TCERG1L: variants seen among roughly 807,000 people sequenced by gnomAD.
TCERG1L encodes the protein transcription elongation regulator 1 like.
Under a neutral mutation model 56.3 loss-of-function variants are expected in TCERG1L, and 37 were observed. The ratio of observed to expected loss-of-function variants is 0.66; its 90% CI spans 0.51 to 0.87. The LOEUF (loss-of-function observed/expected upper bound fraction) is 0.87, where lower values mean the gene tolerates loss of function less well. Among genes scored for constraint, TCERG1L ranks in the 40% least tolerant of loss-of-function variants. The probability of loss-of-function intolerance (pLI) is 0.00; values close to 1 mark genes in which losing one functional copy is unlikely to be tolerated. For synonymous variants in TCERG1L, 324 were observed against 326.3 expected, an observed-to-expected ratio of 0.99 and a Z score of 0.08; for missense variants, 799 against 774.2, an observed-to-expected ratio of 1.03 and a Z score of -0.38.
At position 131,285,526 on chromosome 10, in the gene TCERG1L, G is replaced by GAAAGAAAGAA. The variant is rs1564833952; in HGVS notation, c.670+22684_670+22685insTTCTTTCTTT. On this transcript the variant is annotated intron_variant, in intron 3 of 11. Coordinates refer to ENST00000368642, the MANE Select transcript of TCERG1L (RefSeq NM_174937.4). Reference sequence around the variant, plus strand: ...AAAGAAAGAAAGAAAGAAAGAAAGAGAGAAAGAAAAGAAAAGAAAGAAAGG... The same window carrying GAAAGAAAGAA: ...AAAGAAAGAAAGAAAGAAAGAAAGAGAAAGAAAGAAAGAAAGAAAAGAAAAGAAAGAAAGG... Among the ~76,000 whole-genome samples, 6 of 22,540 alleles carry GAAAGAAAGAA rather than the reference G, an allele frequency of 2.7e-4. 1 individual carries two copies. The highest frequency in any genetic ancestry group is 1.9e-3 in the East Asian group (1 of 528). The allele number at this position is 22,540 out of a possible 152,430, so 14.8% of individuals were successfully genotyped here. A position where few individuals can be genotyped will look rare whatever the true frequency, so the allele number is the denominator to read the frequency against.
intron 4 of TCERG1L, among the ~76,000 whole-genome samples, chr10:131,209,012 T>G (rs112821437): frequency 0.018 from 2,602 of 146,018 alleles, 63 homozygotes; most frequent in African/African-American, 0.063. Context: ...GAGCTGAGAT[T>G]GCACCACTGC....
intron 9 of TCERG1L, among the ~76,000 whole-genome samples, chr10:131,108,210 G>C (rs571907401): frequency 6.6e-6 from 1 of 152,340 alleles, no homozygotes; most frequent in East Asian, 1.9e-4. Flanking sequence ...ACTGAGAACA[G>C]CCAGGCTTTG....
chr10:131,290,414 C>T (rs1846600023), intron 3 of TCERG1L, among the ~76,000 whole-genome samples: 2 of 152,204 alleles, frequency 1.3e-5, no homozygotes, highest in African/African-American at 2.4e-5. Flanking sequence ...GGCAGATCAC[C>T]TGAGGCTGGG....
intron 3 of TCERG1L, among the ~76,000 whole-genome samples, chr10:131,282,410 G>A (rs1401937824): frequency 7.0e-6 from 1 of 142,904 alleles, no homozygotes; most frequent in East Asian, 2.3e-4. Flanking sequence ...ATGTGTAGTG[G>A]TTGCTGATAC....
At chr10:131,128,949 C>T (rs1175730649) in intron 8 of TCERG1L, among the ~76,000 whole-genome samples, 1 of 152,118 alleles carries the variant, frequency 6.6e-6, no homozygotes, top group Non-Finnish European at 1.5e-5. Flanking sequence ...ATACAGGGGA[C>T]AGAAGAACAA....
intron 4 of TCERG1L, among the ~76,000 whole-genome samples, chr10:131,211,286 T>C (rs1017971864): frequency 6.6e-6 from 1 of 152,218 alleles, no homozygotes; most frequent in Non-Finnish European, 1.5e-5. Flanking sequence ...CCCCAGCAGA[T>C]GAGGCTAGAA....
intron 9 of TCERG1L, among the ~76,000 whole-genome samples, chr10:131,109,178 C>T (rs571404730): frequency 6.6e-6 from 1 of 152,304 alleles, no homozygotes; most frequent in African/African-American, 2.4e-5. Flanking sequence ...CTCCTCTTGC[C>T]TAACACTTCT....
At chr10:131,262,101 G>A (rs976256603) in intron 3 of TCERG1L, among the ~76,000 whole-genome samples, 7 of 152,118 alleles carry the variant, frequency 4.6e-5, no homozygotes, top group South Asian at 2.1e-4. Flanking sequence ...AGGCTTTGCC[G>A]GCAGACATAG....
chr10:131,249,304 A>G (rs1484630640), intron 4 of TCERG1L, among the ~76,000 whole-genome samples: 3 of 152,246 alleles, frequency 2.0e-5, no homozygotes, highest in Non-Finnish European at 4.4e-5. Flanking sequence ...GGAATACAGC[A>G]AGCTCTGGAA....
chr10:131,215,973 A>C (rs941744920), intron 4 of TCERG1L, among the ~76,000 whole-genome samples: 53 of 152,204 alleles, frequency 3.5e-4, no homozygotes, highest in Admixed American at 3.4e-3. Context: ...TGGGGCGGCC[A>C]CAGCTGAGCC....
chr10:131,271,871 C>T (rs1846343486), intron 3 of TCERG1L, among the ~76,000 whole-genome samples: 1 of 152,202 alleles, frequency 6.6e-6, no homozygotes, highest in Admixed American at 6.5e-5. Flanking sequence ...AACAAACAAC[C>T]ATTAGTTTAT....
At chr10:131,205,069 G>A (rs1272232890) in intron 4 of TCERG1L, among the ~76,000 whole-genome samples, 1 of 152,060 alleles carries the variant, frequency 6.6e-6, no homozygotes, top group Non-Finnish European at 1.5e-5. Flanking sequence ...CAGACCAAGC[G>A]GCCCATGGCA....
At chr10:131,093,990 TG>T (rs1845213948) in intron 11 of TCERG1L, among the ~76,000 whole-genome samples, 1 of 152,170 alleles carries the variant, frequency 6.6e-6, no homozygotes, top group Non-Finnish European at 1.5e-5. Context: ...CAAACACTGA[TG>T]GAGCGAATCA....
chr10:131,247,657 G>A (rs1447842300), intron 4 of TCERG1L, among the ~76,000 whole-genome samples: 3 of 152,160 alleles, frequency 2.0e-5, no homozygotes, highest in Non-Finnish European at 4.4e-5. Context: ...GCACACCCAA[G>A]AGATTTTAGA....
intron 4 of TCERG1L, among the ~76,000 whole-genome samples, chr10:131,203,473 A>G (rs10829948): frequency 0.52 from 79,540 of 152,010 alleles, 21,057 homozygotes; most frequent in East Asian, 0.63. Flanking sequence ...AGCTGGCCCC[A>G]ATCACAGGTG....
intron 11 of TCERG1L, among the ~76,000 whole-genome samples, chr10:131,094,194 G>A (rs2133375464): frequency 6.6e-6 from 1 of 152,322 alleles, no homozygotes; most frequent in South Asian, 2.1e-4. Context: ...CCAGGGACAG[G>A]GACAGAGGTA....
intron 4 of TCERG1L, among the ~76,000 whole-genome samples, chr10:131,219,380 A>G (rs1001613442): frequency 2.0e-5 from 3 of 152,194 alleles, no homozygotes; most frequent in African/African-American, 7.2e-5. Context: ...GGCCGACCCC[A>G]GGACCGCCAG....
chr10:131,116,164 T>C (rs1845457481), intron 9 of TCERG1L, among the ~76,000 whole-genome samples: 1 of 152,156 alleles, frequency 6.6e-6, no homozygotes. Flanking sequence ...TGATAGTCAT[T>C]GAAAGGAGAT....
At chr10:131,205,684 C>T (rs1845514484) in intron 4 of TCERG1L, among the ~76,000 whole-genome samples, 1 of 152,258 alleles carries the variant, frequency 6.6e-6, no homozygotes, top group Non-Finnish European at 1.5e-5. Flanking sequence ...GCATCTCTGA[C>T]TGCCACTTCC....
Sources: allele counts gnomAD v4.1 joint callset (sites outside exome capture counted in the v4.1 genomes callset), GRCh38; gene constraint gnomAD v4.1.1; transcripts MANE v1.5; gene names NCBI Gene and HGNC (gene_info 2026-07-23, HGNC 2026-07-21).